HSPA12A: variants seen among roughly 807,000 people sequenced by gnomAD.
HSPA12A encodes heat shock 70 kDa protein 12A.
Under a neutral mutation model 69.2 loss-of-function variants are expected in HSPA12A, and 28 were observed. The observed-to-expected ratio is 0.40, with a 90% CI of 0.30 to 0.55. The LOEUF (loss-of-function observed/expected upper bound fraction) is 0.55, where lower values mean the gene tolerates loss of function less well. Among genes scored for constraint, HSPA12A ranks in the 20% least tolerant of loss-of-function variants. HSPA12A has a pLI of 0.38. For missense variants in HSPA12A, 686 were observed against 900.7 expected, an observed-to-expected ratio of 0.76 and a Z score of 3.05; for synonymous variants, 345 against 370.5, an observed-to-expected ratio of 0.93 and a Z score of 0.79.
intron 2 of HSPA12A, among the ~76,000 whole-genome samples, chr10:116,759,328 C>A (rs1843921285): frequency 6.6e-6 from 1 of 152,128 alleles, no homozygotes; most frequent in African/African-American, 2.4e-5. Context: ...GGCAGCTGCC[C>A]CTCCCTGTGT....
chr10:116,723,965 A>G lies in HSPA12A; in HGVS notation c.41-16680T>C, dbSNP rs1484860005. Among the ~76,000 whole-genome samples, 2 of 152,188 alleles carry G rather than the reference A, an allele frequency of 1.3e-5. No homozygotes were observed. Among genetic ancestry groups the G allele is most frequent in the Non-Finnish European group, 2.9e-5 (2 of 68,020 alleles). Reference sequence around the variant, plus strand: ...TAGACAGCACTCTGCTGAGCCATCCATGGCTGCATGGCCCCAACAGAGGCG... The same window carrying G: ...TAGACAGCACTCTGCTGAGCCATCCGTGGCTGCATGGCCCCAACAGAGGCG... On this transcript the variant is annotated intron_variant, in intron 1 of 11. Transcript: ENST00000369209. The surrounding 1 kb of genome is among the most constrained non-coding windows in gnomAD (Gnocchi z 4.1).
intron 2 of HSPA12A, among the ~76,000 whole-genome samples, chr10:116,780,200 T>C (rs573207119): frequency 1.3e-5 from 2 of 152,268 alleles, no homozygotes; most frequent in Non-Finnish European, 1.5e-5. Context: ...TAGTCTAAGA[T>C]CACAAGAGTT....
At chr10:116,825,355 C>CA (rs1444280099) in intron 2 of HSPA12A, among the ~76,000 whole-genome samples, 24 of 151,916 alleles carry the variant, frequency 1.6e-4, no homozygotes, top group African/African-American at 5.3e-4. Context: ...ACTAAAAATA[C>CA]AAAAAATTAC....
chr10:116,838,928 A>G (rs1353642262), intron 1 of HSPA12A, among the ~76,000 whole-genome samples: 1 of 152,246 alleles, frequency 6.6e-6, no homozygotes, highest in Non-Finnish European at 1.5e-5. Flanking sequence ...AGAGCCACAC[A>G]CATTTCAACC....
At chr10:116,795,943 G>A (rs544481406) in intron 2 of HSPA12A, among the ~76,000 whole-genome samples, 1 of 150,968 alleles carries the variant, frequency 6.6e-6, no homozygotes, top group Non-Finnish European at 1.5e-5. Flanking sequence ...TCAGGAGATC[G>A]AGATCATCCG....
At chr10:116,744,005 C>A (rs1276389195), upstream of HSPA12A, among the ~76,000 whole-genome samples, 3 of 152,202 alleles carry the variant, frequency 2.0e-5, no homozygotes, top group Admixed American at 1.3e-4. Context: ...TGGTAAAAAT[C>A]ATTAAGTCAC....
In HSPA12A at chr10:116,683,929, G is replaced by A. The variant is rs1398154073; in HGVS notation, c.697C>T (p.Leu233Phe). 7 of 1,586,374 alleles carry A rather than the reference G, an allele frequency of 4.4e-6. No homozygotes were observed. The highest frequency in any genetic ancestry group is 6.0e-6 in the Non-Finnish European group (7 of 1,159,004). The change falls in exon 7 of 12, where the codon CTC becomes TTC. Residue 233 changes from leucine (L) to phenylalanine (F), a missense_variant. By Grantham distance (22) the Leu-to-Phe change is conservative. Transcript: ENST00000369209. ...GCCTCAGGCTCCAAGGCAATGATGAGCTGCTCCGAGTTCTCGGGGGAGGCC... is the reference window on the plus strand; with the variant it reads ...GCCTCAGGCTCCAAGGCAATGATGAACTGCTCCGAGTTCTCGGGGGAGGCC... ...GLASPENSEQLIIALEPEAAS... is the reference protein window; with the variant it reads ...GLASPENSEQFIIALEPEAAS...
intron 2 of HSPA12A, among the ~76,000 whole-genome samples, chr10:116,784,332 G>T (rs553907739): frequency 6.6e-5 from 10 of 152,262 alleles, no homozygotes; most frequent in Non-Finnish European, 8.8e-5. Context: ...AAGTGGCAGC[G>T]CAGGGTCTTT....
intron 2 of HSPA12A, among the ~76,000 whole-genome samples, chr10:116,776,192 C>A (rs1844333782): frequency 6.6e-6 from 1 of 152,234 alleles, no homozygotes; most frequent in Non-Finnish European, 1.5e-5. Context: ...ACCCCTGGGA[C>A]TCCTGTGGGA....
upstream of HSPA12A, chr10:116,742,589 C>T (rs1297049203): frequency 4.5e-6 from 5 of 1,122,332 alleles, no homozygotes; most frequent in African/African-American, 5.0e-5. Context: ...AGCGGGAGCG[C>T]TGCTCTGACG....
chr10:116,825,557 T>C (rs929458396), intron 2 of HSPA12A, among the ~76,000 whole-genome samples: 1 of 152,126 alleles, frequency 6.6e-6, no homozygotes, highest in African/African-American at 2.4e-5. Context: ...ACAACATGGA[T>C]GAACCTTAAA....
chr10:116,846,122 T>C (rs1405480852), intron 1 of HSPA12A, among the ~76,000 whole-genome samples: 1 of 152,176 alleles, frequency 6.6e-6, no homozygotes, highest in East Asian at 1.9e-4. Flanking sequence ...TCAATATTTG[T>C]TGATTGAGTG....
intron 2 of HSPA12A, among the ~76,000 whole-genome samples, chr10:116,775,234 G>A (rs1480529134): frequency 6.6e-6 from 1 of 152,200 alleles, no homozygotes; most frequent in African/African-American, 2.4e-5. Flanking sequence ...AGGGCCTCAG[G>A]ACTCCCATTT....
intron 10 of HSPA12A, among the ~76,000 whole-genome samples, chr10:116,676,920 T>G (rs1849255827): frequency 6.6e-6 from 1 of 152,218 alleles, no homozygotes; most frequent in Non-Finnish European, 1.5e-5. Context: ...GTGCATGTCC[T>G]CAGCCTTCCA....
At chr10:116,833,145 C>T (rs974704011) in intron 2 of HSPA12A, 40 of 152,320 alleles carry the variant, frequency 2.6e-4, no homozygotes, top group African/African-American at 8.9e-4. Context: ...CCGCAAATGC[C>T]CATGGATTAA....
rs1445737983 is a variant in HSPA12A at position 116,672,921 on chromosome 10, G to A, written c.*1860C>T. On this transcript the variant is annotated 3_prime_UTR_variant, in exon 12 of 12. Coordinates refer to ENST00000369209, the MANE Select transcript of HSPA12A (RefSeq NM_025015.3). ...ACACTCTAAGTTCTGTGGTTTGTTC[G>A]TTGTTTCACATTCTAGTAGGGAATT... is the stretch of plus-strand genomic sequence containing the variant. The A allele has an allele frequency of 2.6e-5, 4 of 152,600 alleles. No individual in the cohort carries two copies. The highest frequency in any genetic ancestry group is 6.5e-5 in the Admixed American group (1 of 15,274). 9.5% of individuals were successfully genotyped at this position (152,600 alleles called of 1,614,324 possible). A position where few individuals can be genotyped will look rare whatever the true frequency, so the allele number is the denominator to read the frequency against.
intron 10 of HSPA12A, among the ~76,000 whole-genome samples, chr10:116,676,709 G>GT (rs1163391632): frequency 2.0e-5 from 3 of 152,192 alleles, no homozygotes; most frequent in African/African-American, 7.2e-5. Flanking sequence ...TCTCTTCTCT[G>GT]TATCTTAAGT....
intron 2 of HSPA12A, among the ~76,000 whole-genome samples, chr10:116,833,995 C>T (rs935545392): frequency 2.0e-5 from 3 of 152,142 alleles, no homozygotes; most frequent in East Asian, 1.9e-4. Flanking sequence ...GCTGATTTAG[C>T]GAAGCCCATT....
chr10:116,841,725 T>C (rs1223360608), intron 1 of HSPA12A, among the ~76,000 whole-genome samples: 1 of 152,142 alleles, frequency 6.6e-6, no homozygotes, highest in Non-Finnish European at 1.5e-5. Flanking sequence ...ACTGAGAATT[T>C]ACTCCTCCAG....
Sources: allele counts gnomAD v4.1 joint callset (sites outside exome capture counted in the v4.1 genomes callset), GRCh38; gene constraint gnomAD v4.1.1; non-coding constraint Gnocchi (gnomAD v3.1); transcripts MANE v1.5; gene names NCBI Gene and HGNC (gene_info 2026-07-23, HGNC 2026-07-21).